DYNC1I1: variants seen among roughly 807,000 people sequenced by gnomAD.
DYNC1I1 encodes the protein dynein cytoplasmic 1 intermediate chain 1.
A neutral mutation model predicts 86.6 loss-of-function variants in DYNC1I1; 43 were observed. The ratio of observed to expected loss-of-function variants is 0.50; its 90% CI spans 0.39 to 0.64. The LOEUF (loss-of-function observed/expected upper bound fraction) is 0.64, where lower values mean the gene tolerates loss of function less well. Among genes scored for constraint, DYNC1I1 ranks in the 30% least tolerant of loss-of-function variants. DYNC1I1 has a pLI of 0.00. For synonymous variants in DYNC1I1, 262 were observed against 283.7 expected (o/e 0.92, Z 0.77); for missense variants, 604 against 788.8 (o/e 0.77, Z 2.81).
At chr7:95,824,971 A>G (rs1554393929) in intron 4 of DYNC1I1, among the ~76,000 whole-genome samples, 1 of 152,242 alleles carries the variant, frequency 6.6e-6, no homozygotes, top group Admixed American at 6.5e-5. Flanking sequence ...ATATTCCTTG[A>G]AGGGAACCAC....
chr7:95,902,752 A>T (rs572168701), intron 6 of DYNC1I1, among the ~76,000 whole-genome samples: 1 of 152,276 alleles, frequency 6.6e-6, no homozygotes, highest in South Asian at 2.1e-4. Context: ...CCTCCTAATG[A>T]AATATTCCAA....
intron 1 of DYNC1I1, among the ~76,000 whole-genome samples, chr7:95,785,163 C>T (rs891909596): frequency 5.3e-5 from 8 of 152,148 alleles, no homozygotes; most frequent in African/African-American, 1.9e-4. Flanking sequence ...TGGCTCATGC[C>T]TGTAATCCCA....
chr7:96,107,535 T>TC lies in DYNC1I1; in HGVS notation c.1543-2444_1543-2443insC, dbSNP rs199802144. Among the ~76,000 whole-genome samples, 739 of 142,586 alleles carry TC rather than the reference T, an allele frequency of 5.2e-3. 1 individual carries two copies. Among genetic ancestry groups the TC allele is most frequent in the Admixed American group, 0.01 (138 of 13,720 alleles). 93.5% of individuals were successfully genotyped at this position (142,586 alleles called of 152,430 possible). ...ATCTGGGGATATCGTAATTTCTTCT[T>TC]TTTTTTTTTTTTTTGAAATAGAGTC... On this transcript the variant is annotated intron_variant, in intron 16 of 16. Transcript: ENST00000537881.
chr7:95,947,160 A>T (rs1464647661), intron 6 of DYNC1I1, among the ~76,000 whole-genome samples: 2 of 152,210 alleles, frequency 1.3e-5, no homozygotes, highest in Non-Finnish European at 2.9e-5. Flanking sequence ...TATGAAGGAC[A>T]GTTTGTGAAG....
chr7:96,034,997 A>G (rs1794897667), intron 12 of DYNC1I1, among the ~76,000 whole-genome samples: 1 of 152,210 alleles, frequency 6.6e-6, no homozygotes, highest in South Asian at 2.1e-4. Context: ...AGGAATCTTT[A>G]ATTCTCAATT....
chr7:95,924,420 G>A (rs966998435), intron 6 of DYNC1I1, among the ~76,000 whole-genome samples: 2 of 152,032 alleles, frequency 1.3e-5, no homozygotes, highest in East Asian at 1.9e-4. Flanking sequence ...TTTTTATATC[G>A]GTTATGTACG....
At chr7:95,842,496 C>T (rs1203677927) in intron 5 of DYNC1I1, among the ~76,000 whole-genome samples, 1 of 152,176 alleles carries the variant, frequency 6.6e-6, no homozygotes, top group African/African-American at 2.4e-5. Flanking sequence ...GCAGATATAG[C>T]TTGCCACAGT....
intron 4 of DYNC1I1, chr7:95,819,098 A>G (rs1280855195): frequency 1.3e-5 from 2 of 152,174 alleles, no homozygotes; most frequent in African/African-American, 4.8e-5. Flanking sequence ...TCTGAAGCAC[A>G]TCACAGGAGA....
At chr7:95,988,270 G>A (rs1793646564) in intron 9 of DYNC1I1, among the ~76,000 whole-genome samples, 1 of 152,036 alleles carries the variant, frequency 6.6e-6, no homozygotes, top group Non-Finnish European at 1.5e-5. Context: ...CCAGCTATTC[G>A]GGAGGCTGAG....
At chr7:95,936,991 A>ACACACACAC in intron 6 of DYNC1I1, among the ~76,000 whole-genome samples, 1 of 47,194 alleles carries the variant, frequency 2.1e-5, no homozygotes, top group South Asian at 6.8e-4. Flanking sequence ...CACACACACA[A>ACACACACAC]ATACTATTCA....
chr7:96,088,728 C>T (rs1790754477), intron 16 of DYNC1I1, among the ~76,000 whole-genome samples: 1 of 152,038 alleles, frequency 6.6e-6, no homozygotes, highest in African/African-American at 2.4e-5. Flanking sequence ...AAATATAATA[C>T]ATAATCAAAT....
intron 14 of DYNC1I1, among the ~76,000 whole-genome samples, chr7:96,060,829 C>G (rs1181617655): frequency 6.6e-6 from 1 of 152,006 alleles, no homozygotes; most frequent in Non-Finnish European, 1.5e-5. Context: ...AACCCTTGCT[C>G]TACATGCAAA....
downstream of DYNC1I1, among the ~76,000 whole-genome samples, chr7:96,100,448 G>C (rs963670897): frequency 1.3e-5 from 2 of 149,996 alleles, no homozygotes; most frequent in Non-Finnish European, 3.0e-5. Flanking sequence ...AAACATCACT[G>C]TCTGATGGCT....
intron 5 of DYNC1I1, among the ~76,000 whole-genome samples, chr7:95,834,820 C>T: frequency 7.0e-6 from 1 of 143,326 alleles, no homozygotes; most frequent in Non-Finnish European, 1.5e-5. Flanking sequence ...TGGTGATATC[C>T]CCTTTATCAT....
chr7:95,822,919 A>ACT (rs1795110982), intron 4 of DYNC1I1, among the ~76,000 whole-genome samples: 1 of 152,126 alleles, frequency 6.6e-6, no homozygotes, highest in Non-Finnish European at 1.5e-5. Context: ...AGTGAGGATG[A>ACT]TGTCTGGTCT....
chr7:96,009,092 A>G (rs918600650), intron 10 of DYNC1I1, among the ~76,000 whole-genome samples: 1 of 152,202 alleles, frequency 6.6e-6, no homozygotes, highest in Non-Finnish European at 1.5e-5. Flanking sequence ...TTCCTAGGCC[A>G]CAGCACACTG....
chr7:95,890,978 C>T (rs1369496212), intron 6 of DYNC1I1, among the ~76,000 whole-genome samples: 1 of 152,116 alleles, frequency 6.6e-6, no homozygotes, highest in Non-Finnish European at 1.5e-5. Context: ...AGTCCTCATC[C>T]CCAGTACCTC....
chr7:95,894,912 G>A (rs1790838306), intron 6 of DYNC1I1, among the ~76,000 whole-genome samples: 3 of 152,294 alleles, frequency 2.0e-5, no homozygotes, highest in South Asian at 4.2e-4. Context: ...AGCATTGGTT[G>A]TGTGTTGTGC....
intron 10 of DYNC1I1, 86 bp downstream of exon 10, chr7:95,996,159 A>G (rs1793863229): frequency 5.1e-6 from 8 of 1,566,978 alleles, no homozygotes; most frequent in Admixed American, 3.8e-5. Flanking sequence ...TTATGCTGAG[A>G]GGAAGAACTC....
Sources: allele counts gnomAD v4.1 joint callset (sites outside exome capture counted in the v4.1 genomes callset), GRCh38; gene constraint gnomAD v4.1.1; transcripts MANE v1.5; gene names NCBI Gene and HGNC (gene_info 2026-07-23, HGNC 2026-07-21).